NRXN3: variants seen among roughly 807,000 people sequenced by gnomAD.
NRXN3 encodes the protein neurexin III.
A neutral mutation model predicts 137.6 loss-of-function variants in NRXN3; 32 were observed. The observed-to-expected ratio is 0.23, with a 90% CI of 0.18 to 0.31. The LOEUF is 0.31. Among genes scored for constraint, NRXN3 ranks in the 10% least tolerant of loss-of-function variants. The pLI is 1.00. For synonymous variants in NRXN3, 798 were observed against 784.5 expected (o/e 1.02, Z -0.29); for missense variants, 1,574 against 2,062.5 (o/e 0.76, Z 4.59).
At chr14:79,029,658 C>G (rs559721810) in intron 15 of NRXN3, among the ~76,000 whole-genome samples, 1 of 152,182 alleles carries the variant, frequency 6.6e-6, no homozygotes, top group South Asian at 2.1e-4. Flanking sequence ...CATCCCTAGC[C>G]TCTACACAGT....
chr14:78,675,098 G>A lies in NRXN3; in HGVS notation c.1221+23772G>A, dbSNP rs781069939. ...GAAGCACTTAGTCATTGTCTAGAAT[G>A]TGCCAGACCAAGTGCAGTTTTAAAG... On this transcript the variant is annotated intron_variant, in intron 6 of 20. Transcript: ENST00000335750. Among the ~76,000 whole-genome samples, 119 of 152,318 alleles carry A rather than the reference G, an allele frequency of 7.8e-4. 1 individual carries two copies. The highest frequency in any genetic ancestry group is 2.1e-4 in the Non-Finnish European group (14 of 68,018).
intron 4 of NRXN3, among the ~76,000 whole-genome samples, chr14:78,486,354 C>T (rs1438381615): frequency 6.6e-6 from 1 of 152,130 alleles, no homozygotes; most frequent in Non-Finnish European, 1.5e-5. Context: ...TGAGATGCCT[C>T]CTGTTCCTTT....
intron 1 of NRXN3, among the ~76,000 whole-genome samples, chr14:78,234,677 C>T (rs190531304): frequency 2.0e-5 from 3 of 152,280 alleles, no homozygotes; most frequent in Admixed American, 2.0e-4. Context: ...CACATTTGGT[C>T]CACCTCCTTA....
intron 15 of NRXN3, among the ~76,000 whole-genome samples, chr14:79,156,705 A>G (rs2060281069): frequency 6.6e-6 from 1 of 151,864 alleles, no homozygotes; most frequent in Non-Finnish European, 1.5e-5. Flanking sequence ...AGAAAAATGA[A>G]AAATTCCAGA....
chr14:79,252,728 T>C (rs1336110077), intron 15 of NRXN3, among the ~76,000 whole-genome samples: 1 of 152,146 alleles, frequency 6.6e-6, no homozygotes, highest in African/African-American at 2.4e-5. Context: ...TGATGACAAA[T>C]ACAACAGAGG....
chr14:78,844,482 A>G (rs1023267872), intron 10 of NRXN3, among the ~76,000 whole-genome samples: 2 of 152,062 alleles, frequency 1.3e-5, no homozygotes, highest in Non-Finnish European at 1.5e-5. Flanking sequence ...CCTTTCCATG[A>G]TTGGGCAAGT....
chr14:79,289,357 A>C (rs569546020), intron 15 of NRXN3, among the ~76,000 whole-genome samples: 2 of 152,294 alleles, frequency 1.3e-5, no homozygotes, highest in East Asian at 3.9e-4. Context: ...GCAGTGGCTC[A>C]TGCCTGTAAT....
intron 8 of NRXN3, among the ~76,000 whole-genome samples, chr14:78,778,758 C>CTCTTTCTTTCTTTCTTTCTT (rs10701078): frequency 1.8e-4 from 17 of 97,124 alleles, no homozygotes; most frequent in East Asian, 6.0e-4. Context: ...TTCCTTCTTT[C>CTCTTTCTTTCTTTCTTTCTT]TCTTTCTTTC....
chr14:79,612,781 G>A (rs1220101075), intron 16 of NRXN3, among the ~76,000 whole-genome samples: 1 of 152,128 alleles, frequency 6.6e-6, no homozygotes, highest in Non-Finnish European at 1.5e-5. Context: ...AGGAGTTCAA[G>A]GCTGCAGTGA....
intron 20 of NRXN3, among the ~76,000 whole-genome samples, chr14:79,828,315 G>A (rs530944892): frequency 9.9e-5 from 15 of 152,052 alleles, no homozygotes; most frequent in Admixed American, 9.8e-4. Flanking sequence ...CTGGAGGAAG[G>A]TTGGCTAGAA....
intron 4 of NRXN3, among the ~76,000 whole-genome samples, chr14:78,568,050 T>A (rs1177744761): frequency 6.6e-6 from 1 of 152,110 alleles, no homozygotes; most frequent in East Asian, 1.9e-4. Flanking sequence ...GGTTCTGAGG[T>A]TAAATTGAGG....
intron 15 of NRXN3, among the ~76,000 whole-genome samples, chr14:79,211,901 C>T (rs1334022040): frequency 6.6e-6 from 1 of 152,084 alleles, no homozygotes; most frequent in Non-Finnish European, 1.5e-5. Context: ...TGTAATTTTC[C>T]CTGGTATTGC....
intron 16 of NRXN3, among the ~76,000 whole-genome samples, chr14:79,473,602 G>GAA (rs2096533880): frequency 6.6e-6 from 1 of 152,182 alleles, no homozygotes; most frequent in Non-Finnish European, 1.5e-5. Flanking sequence ...GTGGAGTACA[G>GAA]AAGAATGTTG....
rs1230306484 is a variant in NRXN3, at chr14:79,156,593, C to T, written c.3262+168452C>T. On this transcript the variant is annotated intron_variant, in intron 15 of 20. Coordinates refer to ENST00000335750, the MANE Select transcript of NRXN3 (RefSeq NM_001330195.2). The stretch of plus-strand genomic sequence containing the variant: ...AAAAATGAATGCTCAATGTTTCTTC[C>T]TCCTAGTGTATTGCTTTACTTCCTT... 3.3e-5 allele frequency among the ~76,000 whole-genome samples: 5 copies of T among 151,676 alleles called. No individual in the cohort carries two copies. The East Asian group carries it at 9.7e-4, about 30-fold the overall frequency.
intron 15 of NRXN3, among the ~76,000 whole-genome samples, chr14:79,368,831 A>G (rs1420260670): frequency 6.6e-6 from 1 of 152,232 alleles, no homozygotes; most frequent in Admixed American, 6.5e-5. Context: ...CATTTGTTCC[A>G]TTTAATCCCC....
chr14:79,286,033 A>T (rs2082193249), intron 15 of NRXN3, among the ~76,000 whole-genome samples: 1 of 152,190 alleles, frequency 6.6e-6, no homozygotes, highest in Admixed American at 6.5e-5. Context: ...TTGTGTTTAC[A>T]GATATGGGGA....
chr14:78,408,934 A>C (rs1359876178), intron 4 of NRXN3, among the ~76,000 whole-genome samples: 1 of 152,248 alleles, frequency 6.6e-6, no homozygotes, highest in Admixed American at 6.5e-5. Flanking sequence ...TATTAATAGA[A>C]ACTAACAGAG....
chr14:78,563,872 C>G (rs1260421636), intron 4 of NRXN3, among the ~76,000 whole-genome samples: 1 of 152,158 alleles, frequency 6.6e-6, no homozygotes, highest in Non-Finnish European at 1.5e-5. Flanking sequence ...GGAATGGGAT[C>G]ATGGGGGACC....
At chr14:79,608,520 A>G (rs946988668) in intron 16 of NRXN3, among the ~76,000 whole-genome samples, 1 of 152,080 alleles carries the variant, frequency 6.6e-6, no homozygotes, top group African/African-American at 2.4e-5. Context: ...GCTGCCCCTC[A>G]GTTTCACTGT....
Sources: allele counts gnomAD v4.1 joint callset (sites outside exome capture counted in the v4.1 genomes callset), GRCh38; gene constraint gnomAD v4.1.1; transcripts MANE v1.5; gene names NCBI Gene and HGNC (gene_info 2026-07-23, HGNC 2026-07-21).